Variants in COPS5 observed in about 807,000 individuals in gnomAD.
COPS5 encodes the protein COP9 signalosome complex subunit 5.
In COPS5, 8 loss-of-function variants were observed where a neutral mutation model predicts 44.4. That is an observed-to-expected ratio of 0.18 (90% confidence interval 0.11 to 0.32). COPS5 has a LOEUF of 0.32. Among genes scored for constraint, COPS5 ranks in the 10% least tolerant of loss-of-function variants. The pLI is 1.00. For synonymous variants in COPS5, 122 were observed against 142.8 expected (o/e 0.85, Z 1.04); for missense variants, 159 against 406.4 (o/e 0.39, Z 5.23).
At position 67,061,896 on chromosome 8, in the gene COPS5, T is replaced by C; in HGVS notation, c.101A>G (p.Lys34Arg). ...CGCCGCCAGGATTTCTTGCTGCTGT[T>C]TCTTGTCGTATTTGTAGATTTCATC... ...SIDEIYKYDK[K>R]QQQEILAAKP... The change falls in exon 1 of 8, where the codon AAA becomes AGA. Residue 34 changes from lysine (K) to arginine (R), a missense_variant. Physicochemically the swap from Lys to Arg is conservative, Grantham distance 26. Transcript: ENST00000357849. 1 of 1,614,244 alleles carries C rather than the reference T, an allele frequency of 6.2e-7. No homozygotes were observed.
At position 67,043,203 on chromosome 8, in the gene COPS5, C is replaced by T. The variant is rs1337223765; in HGVS notation, c.*30G>A. 7.0e-6 allele frequency: 9 copies of T among 1,277,444 alleles called. No homozygotes were observed. The highest frequency in any genetic ancestry group is 5.6e-5 in the Admixed American group (3 of 53,948). 79.1% of individuals were successfully genotyped at this position (1,277,444 alleles called of 1,614,324 possible). ...TACTTGAATATTTTTCTCATACTGT[C>T]TTTCAGGTAAAGTACTTCTCAGAGA... On this transcript the variant is annotated 3_prime_UTR_variant, in exon 8 of 8. Transcript: ENST00000357849.
chr8:67,051,789 A>G (rs1020848002), intron 5 of COPS5, among the ~76,000 whole-genome samples: 17 of 152,202 alleles, frequency 1.1e-4, no homozygotes, highest in African/African-American at 4.1e-4. Flanking sequence ...CTGCTTTTTG[A>G]AAAGCAAATT....
intron 1 of COPS5, chr8:67,061,321 G>T: frequency 2.4e-6 from 1 of 422,328 alleles, no homozygotes; most frequent in South Asian, 1.7e-5. Flanking sequence ...ATAGGCCCAG[G>T]CCTCACGCCT....
chr8:67,057,966 C>G, intron 3 of COPS5, 117 bp downstream of exon 3: 1 of 1,071,682 alleles, frequency 9.3e-7, no homozygotes, highest in Non-Finnish European at 1.4e-6. Flanking sequence ...CACATTGAAA[C>G]CTAGGCAGAC....
chr8:67,058,248 CTT>C (rs1297727171), intron 2 of COPS5, 37 bp from the exon 3 acceptor site: 1 of 1,604,568 alleles, frequency 6.2e-7, no homozygotes. Flanking sequence ...TAAGATTACT[CTT>C]TAATTAATTT....
chr8:67,059,227 A>G lies in COPS5; in HGVS notation c.362T>C (p.Ile121Thr), dbSNP rs1284147503. 6.2e-7 allele frequency: 1 copy of G among 1,613,616 alleles called. No individual in the cohort carries two copies. Among genetic ancestry groups the G allele is most frequent in the East Asian group, 2.2e-5 (1 of 44,872 alleles). Reference sequence around the variant, plus strand: ...CATTTTTACCTGTTTTGCATTTTCTATGTATGCAGCCATGTATTCATATGC... The same window carrying G: ...CATTTTTACCTGTTTTGCATTTTCTGTGTATGCAGCCATGTATTCATATGC... ...AAAYEYMAAY[I>T]ENAKQVGRLE... Residue 121 changes from isoleucine to threonine, a missense_variant, in exon 2 of 8, where the codon ATA becomes ACA. By Grantham distance (89) the Ile-to-Thr change is moderately conservative. Coordinates refer to ENST00000357849, the MANE Select transcript of COPS5 (RefSeq NM_006837.3).
intron 5 of COPS5, among the ~76,000 whole-genome samples, chr8:67,052,701 C>T (rs796094476): frequency 2.1e-4 from 32 of 150,698 alleles, no homozygotes; most frequent in African/African-American, 7.5e-4. Context: ...CCACAGTGCT[C>T]GGCCAAACTT....
chr8:67,056,680 T>G (rs867129858), intron 4 of COPS5, 76 bp from the exon 5 acceptor site: 4 of 90,236 alleles, frequency 4.4e-5, no homozygotes, highest in African/African-American at 2.0e-4. Context: ...TATATATATA[T>G]ATATATATAT....
At chr8:67,049,306 A>C (rs1816739582) in intron 6 of COPS5, among the ~76,000 whole-genome samples, 1 of 152,174 alleles carries the variant, frequency 6.6e-6, no homozygotes, top group South Asian at 2.1e-4. Flanking sequence ...CCACAAAAAG[A>C]TACAAAAATT....
Position 67,059,202 on chromosome 8 carries a change from C to T in COPS5, c.378+9G>A. On this transcript the variant is annotated intron_variant, in intron 2 of 7. Coordinates refer to ENST00000357849, the MANE Select transcript of COPS5 (RefSeq NM_006837.3). ...GCAATTACTAAACTATAAGAAACAA[C>T]ATTTTTACCTGTTTTGCATTTTCTA... 1.2e-6 allele frequency: 2 copies of T among 1,605,772 alleles called. No individual in the cohort carries two copies. The highest frequency in any genetic ancestry group is 1.7e-6 in the Non-Finnish European group (2 of 1,172,714).
At chr8:67,051,209 C>A in intron 6 of COPS5, 21 bp downstream of exon 6, 1 of 1,375,206 alleles carries the variant, frequency 7.3e-7, no homozygotes, top group South Asian at 1.2e-5. Flanking sequence ...CAAATGCATT[C>A]TTTACAAGTA....
chr8:67,050,152 C>A (rs929833360), intron 6 of COPS5, among the ~76,000 whole-genome samples: 1 of 152,162 alleles, frequency 6.6e-6, no homozygotes, highest in Admixed American at 6.5e-5. Context: ...CAGGCGCCCA[C>A]CACCTCGCCC....
At chr8:67,053,917 A>T (rs887602272) in intron 5 of COPS5, among the ~76,000 whole-genome samples, 2 of 150,274 alleles carry the variant, frequency 1.3e-5, no homozygotes, top group Admixed American at 6.7e-5. Context: ...GAGGCAGGAT[A>T]ATGGCGTGAA....
At chr8:67,059,604 G>A (rs1804557065) in intron 1 of COPS5, 159 bp from the exon 2 acceptor site, 6 of 613,562 alleles carry the variant, frequency 9.8e-6, no homozygotes, top group Non-Finnish European at 1.7e-5. Flanking sequence ...GTTTTTGCAG[G>A]CTGGAAACAA....
intron 5 of COPS5, among the ~76,000 whole-genome samples, chr8:67,056,227 A>G (rs1344417764): frequency 6.6e-6 from 1 of 152,212 alleles, no homozygotes; most frequent in African/African-American, 2.4e-5. Context: ...TGTAAAAGCT[A>G]TCATGAAATG....
chr8:67,054,004 T>TAA lies in COPS5; in HGVS notation c.659+2513_659+2514dup, dbSNP rs1205430314. Among the ~76,000 whole-genome samples the TAA allele has an allele frequency of 8.9e-4, 114 of 128,712 alleles. 1 individual carries two copies. The highest frequency in any genetic ancestry group is 1.2e-3 in the Non-Finnish European group (70 of 59,930). The allele number at this position is 128,712 out of a possible 152,430, so 84.4% of individuals were successfully genotyped here. A position where few individuals can be genotyped will look rare whatever the true frequency, so the allele number is the denominator to read the frequency against. On this transcript the variant is annotated intron_variant, in intron 5 of 7. Coordinates refer to ENST00000357849, the MANE Select transcript of COPS5 (RefSeq NM_006837.3). The stretch of plus-strand genomic sequence containing the variant: ...CTGGGTGACAGAGCAAGACTCCATT[T>TAA]AAAAAAAAAAAAAAAAAAAGAACAT...
intron 1 of COPS5, chr8:67,061,617 A>T: frequency 1.9e-6 from 1 of 534,172 alleles, no homozygotes; most frequent in East Asian, 3.5e-5. Flanking sequence ...GTGACAACTT[A>T]AATCACCGCT....
chr8:67,052,260 T>C (rs536213281), intron 5 of COPS5, among the ~76,000 whole-genome samples: 1 of 152,072 alleles, frequency 6.6e-6, no homozygotes, highest in East Asian at 1.9e-4. Context: ...AGGAGGGCAT[T>C]AGGCAGAGAG....
At position 67,056,651 on chromosome 8, in the gene COPS5, AAATATATATATAT is replaced by A. The variant is rs1242772263; in HGVS notation, c.574-60_574-48del. 1.7e-3 allele frequency: 93 copies of A among 55,912 alleles called. 12 individuals are homozygous for A. Among genetic ancestry groups the A allele is most frequent in the Admixed American group, 4.6e-3 (14 of 3,040 alleles). 3.5% of individuals were successfully genotyped at this position (55,912 alleles called of 1,614,324 possible). A position where few individuals can be genotyped will look rare whatever the true frequency, so the allele number is the denominator to read the frequency against. The stretch of plus-strand genomic sequence containing the variant: ...AGAAGATTAAGAAAAAAAAAAAAAA[AAATATATATATAT>A]ATATATATATATATATATATATATA... On this transcript the variant is annotated intron_variant, in intron 4 of 7. Transcript: ENST00000357849.
Sources: allele counts gnomAD v4.1 joint callset (sites outside exome capture counted in the v4.1 genomes callset), GRCh38; gene constraint gnomAD v4.1.1; transcripts MANE v1.5; gene names NCBI Gene and HGNC (gene_info 2026-07-23, HGNC 2026-07-21).